The following ANO4 variants were observed in gnomAD, a reference collection of about 807,000 sequenced individuals.
The protein encoded by ANO4 is anoctamin-4.
Under a neutral mutation model 141.9 loss-of-function variants are expected in ANO4, and 69 were observed. The ratio of observed to expected loss-of-function variants is 0.49; its 90% confidence interval spans 0.40 to 0.59. The LOEUF (loss-of-function observed/expected upper bound fraction) is 0.59, where lower values mean the gene tolerates loss of function less well. ANO4 is among the 20% of genes least tolerant of loss of function. ANO4 has a pLI of 0.00. For synonymous variants in ANO4, 350 were observed against 394.3 expected (o/e 0.89, Z 1.33); for missense variants, 894 against 1,162.2 (o/e 0.77, Z 3.36).
chr12:100,891,288 C>T (rs560293810), intron 1 of ANO4, among the ~76,000 whole-genome samples: 9 of 152,270 alleles, frequency 5.9e-5, no homozygotes, highest in Admixed American at 6.5e-5. Flanking sequence ...AACATTCATG[C>T]GCAGGTTTCT....
intron 1 of ANO4, among the ~76,000 whole-genome samples, chr12:100,815,815 A>C (rs2035705256): frequency 1.3e-5 from 2 of 152,052 alleles, no homozygotes; most frequent in South Asian, 4.1e-4. Context: ...AGCCAACATG[A>C]AAGTCTTTTG....
At chr12:100,790,699 G>A (rs2034017267), upstream of ANO4, among the ~76,000 whole-genome samples, 1 of 151,914 alleles carries the variant, frequency 6.6e-6, no homozygotes, top group African/African-American at 2.4e-5. Flanking sequence ...CTTTCTGTAT[G>A]ATTTGATTTT....
intron 3 of ANO4, among the ~76,000 whole-genome samples, chr12:100,922,914 CAAGTT>C (rs2041692807): frequency 6.6e-6 from 1 of 152,088 alleles, no homozygotes; most frequent in African/African-American, 2.4e-5. Context: ...CACATTTACT[CAAGTT>C]AAATATTTAG....
At chr12:100,786,199 C>G (rs2033868632) in intron 3 of ANO4, among the ~76,000 whole-genome samples, 1 of 152,182 alleles carries the variant, frequency 6.6e-6, no homozygotes, top group African/African-American at 2.4e-5. Context: ...CTGCAATTGC[C>G]TAAGTGGGCT....
intron 3 of ANO4, among the ~76,000 whole-genome samples, chr12:100,764,577 T>C (rs975713937): frequency 8.5e-5 from 13 of 152,184 alleles, no homozygotes; most frequent in Admixed American, 2.0e-4. Context: ...CATTAACACA[T>C]ATAATCAGCA....
chr12:100,939,478 G>A (rs1435173747), intron 4 of ANO4, 27 bp downstream of exon 4: 1 of 1,607,682 alleles, frequency 6.2e-7, no homozygotes, highest in Non-Finnish European at 8.5e-7. Flanking sequence ...TCTTACAAAT[G>A]TAATTCGTGA....
At chr12:100,786,641 C>T (rs1210794578) in intron 3 of ANO4, among the ~76,000 whole-genome samples, 2 of 152,168 alleles carry the variant, frequency 1.3e-5, no homozygotes, top group Non-Finnish European at 2.9e-5. Flanking sequence ...CTCTGCCAGG[C>T]AATTCCAACT....
chr12:100,939,742 A>G (rs2042430681), intron 4 of ANO4, among the ~76,000 whole-genome samples: 1 of 152,200 alleles, frequency 6.6e-6, no homozygotes, highest in African/African-American at 2.4e-5. Context: ...CTGGTACAAA[A>G]TAAACTTTAC....
intron 8 of ANO4, among the ~76,000 whole-genome samples, chr12:101,011,891 C>T (rs181330631): frequency 6.6e-6 from 1 of 152,084 alleles, no homozygotes; most frequent in Admixed American, 6.5e-5. Context: ...ACAAAGTTAC[C>T]CCTTCCTCCT....
At chr12:101,080,866 A>ATATATATATATAT (rs1491296105) in intron 15 of ANO4, among the ~76,000 whole-genome samples, 604 of 22,488 alleles carry the variant, frequency 0.027, 6 homozygotes, top group Admixed American at 0.052. Flanking sequence ...TAGGTTCTAG[A>ATATATATATATAT]TATATATATA....
intron 1 of ANO4, among the ~76,000 whole-genome samples, chr12:100,863,115 G>A (rs2038569724): frequency 6.6e-6 from 1 of 152,124 alleles, no homozygotes; most frequent in South Asian, 2.1e-4. Context: ...GCTGAGGCAG[G>A]AGCATGCTTG....
At position 101,020,150 on chromosome 12, in the gene ANO4, A is replaced by T; in HGVS notation, c.841+10A>T. 5.8e-6 allele frequency: 9 copies of T among 1,541,036 alleles called. No individual in the cohort carries two copies. The highest frequency in any genetic ancestry group is 8.1e-6 in the Non-Finnish European group (9 of 1,115,668). On this transcript the variant is annotated intron_variant, in intron 9 of 27. Transcript: ENST00000392977. ...GGAAAAAACAAGATTGGTAAGTAGT[A>T]TGTTAGTATAACAAACTACATTTGG...
At chr12:100,775,287 C>A (rs141267934) in intron 3 of ANO4, among the ~76,000 whole-genome samples, 12 of 152,172 alleles carry the variant, frequency 7.9e-5, no homozygotes, top group African/African-American at 2.4e-4. Flanking sequence ...AAAATACGTT[C>A]GTTAAAAATG....
At chr12:100,757,999 T>C (rs920869642) in intron 3 of ANO4, among the ~76,000 whole-genome samples, 4 of 152,164 alleles carry the variant, frequency 2.6e-5, no homozygotes, top group African/African-American at 9.7e-5. Context: ...CACTCAAAAC[T>C]TCCTTTAAAA....
At chr12:100,729,529 G>A (rs1320401972) in intron 1 of ANO4, among the ~76,000 whole-genome samples, 1 of 152,030 alleles carries the variant, frequency 6.6e-6, no homozygotes, top group Non-Finnish European at 1.5e-5. Flanking sequence ...AGGAAACAAA[G>A]CCACATAGAG....
At chr12:100,785,989 A>T (rs573717148) in intron 3 of ANO4, among the ~76,000 whole-genome samples, 2 of 152,348 alleles carry the variant, frequency 1.3e-5, no homozygotes, top group African/African-American at 2.4e-5. Flanking sequence ...AGCATGTCAC[A>T]GTCCTTTAAA....
At chr12:101,117,675 A>G (rs919141758) in intron 25 of ANO4, among the ~76,000 whole-genome samples, 16 of 152,218 alleles carry the variant, frequency 1.1e-4, no homozygotes, top group African/African-American at 3.4e-4. Flanking sequence ...GCACCACTGC[A>G]TTCAAACTAT....
At chr12:101,095,500 C>A (rs374971231) in intron 18 of ANO4, among the ~76,000 whole-genome samples, 1 of 152,146 alleles carries the variant, frequency 6.6e-6, no homozygotes, top group African/African-American at 2.4e-5. Context: ...TTAAGAAAAC[C>A]CTTTAAGAAT....
Position 101,111,730 on chromosome 12 carries a change from A to G in ANO4, c.2450+20A>G. 3.8e-6 allele frequency: 6 copies of G among 1,564,492 alleles called. No homozygotes were observed. The South Asian group carries it at 7.3e-5, about 19-fold the overall frequency. On this transcript the variant is annotated intron_variant, in intron 24 of 27. Transcript: ENST00000392977. ...GCAAAAGTAAGTTTGCTATAAAACC[A>G]CTATACAGTTTCTATTTCCTAGCCA...
Sources: allele counts gnomAD v4.1 joint callset (sites outside exome capture counted in the v4.1 genomes callset), GRCh38; gene constraint gnomAD v4.1.1; transcripts MANE v1.5; gene names NCBI Gene and HGNC (gene_info 2026-07-23, HGNC 2026-07-21).